AKAP6: variants seen among roughly 807,000 people sequenced by gnomAD.
AKAP6 encodes the protein A-kinase anchoring protein 6, also known as A-kinase anchor protein 6.
Under a neutral mutation model 188.5 loss-of-function variants are expected in AKAP6, and 58 were observed. The ratio of observed to expected loss-of-function variants is 0.31; its 90% CI spans 0.25 to 0.38. The LOEUF (loss-of-function observed/expected upper bound fraction) is 0.38. AKAP6 is among the 10% of genes least tolerant of loss of function. AKAP6 has a pLI of 1.00. For missense variants in AKAP6, 2,710 were observed against 2,740.0 expected, an observed-to-expected ratio of 0.99 and a Z score of 0.24; for synonymous variants, 989 against 998.6, an observed-to-expected ratio of 0.99 and a Z score of 0.18.
chr14:32,770,783 T>A (rs1485503389), intron 11 of AKAP6, among the ~76,000 whole-genome samples: 2 of 152,242 alleles, frequency 1.3e-5, no homozygotes, highest in African/African-American at 2.4e-5. Context: ...TTGTATAGTT[T>A]ACTTCCAGTA....
intron 12 of AKAP6, among the ~76,000 whole-genome samples, chr14:32,800,980 AC>A (rs1285721528): frequency 1.3e-5 from 2 of 152,152 alleles, no homozygotes; most frequent in Non-Finnish European, 2.9e-5. Context: ...TTGTACCACT[AC>A]GTGCCAGCCT....
chr14:32,536,575 A>G (rs1356234606), intron 3 of AKAP6, among the ~76,000 whole-genome samples: 1 of 152,218 alleles, frequency 6.6e-6, no homozygotes, highest in Non-Finnish European at 1.5e-5. Context: ...TTTGTTCAGC[A>G]AACTCCCATG....
chr14:32,582,688 C>A (rs914810101), intron 5 of AKAP6, among the ~76,000 whole-genome samples: 270 of 152,258 alleles, frequency 1.8e-3, no homozygotes, highest in Middle Eastern at 3.4e-3. Flanking sequence ...TTGTTCATTT[C>A]TTTTTATTCT....
intron 2 of AKAP6, among the ~76,000 whole-genome samples, chr14:32,504,987 T>C (rs1445092960): frequency 6.6e-6 from 1 of 152,184 alleles, no homozygotes. Context: ...CTACCTTATT[T>C]TGGCTCACAT....
At chr14:32,567,379 T>A (rs947821584) in intron 4 of AKAP6, among the ~76,000 whole-genome samples, 8 of 152,146 alleles carry the variant, frequency 5.3e-5, no homozygotes, top group Non-Finnish European at 1.0e-4. Flanking sequence ...TGTGTTTAGA[T>A]AATACTGTTT....
At chr14:32,723,548 C>G (rs1327497164) in intron 9 of AKAP6, among the ~76,000 whole-genome samples, 1 of 39,688 alleles carries the variant, frequency 2.5e-5, no homozygotes, top group Admixed American at 3.4e-4. Context: ...TATATGTGTG[C>G]GTATGTGTTT....
At chr14:32,505,436 T>C (rs1450115248) in intron 2 of AKAP6, among the ~76,000 whole-genome samples, 1 of 151,970 alleles carries the variant, frequency 6.6e-6, no homozygotes, top group East Asian at 1.9e-4. Context: ...AAAAACTTGG[T>C]AATCAAGATA....
At chr14:32,511,991 C>G (rs1381118144) in intron 2 of AKAP6, among the ~76,000 whole-genome samples, 2 of 152,172 alleles carry the variant, frequency 1.3e-5, no homozygotes, top group Non-Finnish European at 2.9e-5. Context: ...TTCTGTATCT[C>G]CAGCTCAGTT....
chr14:32,773,108 G>A (rs546156639), intron 11 of AKAP6, among the ~76,000 whole-genome samples: 9 of 152,104 alleles, frequency 5.9e-5, no homozygotes, highest in Non-Finnish European at 7.4e-5. Flanking sequence ...CTTAATTTTC[G>A]CTTTCAGAAC....
chr14:32,511,536 T>G (rs1193479187), intron 2 of AKAP6, among the ~76,000 whole-genome samples: 3 of 152,044 alleles, frequency 2.0e-5, no homozygotes, highest in Admixed American at 1.3e-4. Flanking sequence ...CCACCACGCC[T>G]GGCTAATTTT....
intron 2 of AKAP6, among the ~76,000 whole-genome samples, chr14:32,466,846 T>TATATATATATATATATATATA (rs879653303): frequency 7.0e-5 from 10 of 142,618 alleles, no homozygotes; most frequent in African/African-American, 2.8e-4. Flanking sequence ...TATATATATA[T>TATATATATATATATATATATA]TTTCTTTCTT....
chr14:32,797,790 A>G (rs2033816525), intron 12 of AKAP6, among the ~76,000 whole-genome samples: 2 of 152,140 alleles, frequency 1.3e-5, no homozygotes, highest in African/African-American at 4.8e-5. Context: ...GTTGAAGAAA[A>G]AAAAAACAAC....
intron 1 of AKAP6, among the ~76,000 whole-genome samples, chr14:32,363,771 G>T (rs1290325975): frequency 6.6e-6 from 1 of 152,158 alleles, no homozygotes; most frequent in Admixed American, 6.5e-5. Flanking sequence ...TCCTTTGGCA[G>T]CACCCTCACA....
At chr14:32,818,530 A>AT (rs907222795) in intron 12 of AKAP6, among the ~76,000 whole-genome samples, 3 of 151,432 alleles carry the variant, frequency 2.0e-5, no homozygotes, top group East Asian at 1.9e-4. Context: ...TAACCGTGAA[A>AT]TTTTTTTTTA....
chr14:32,372,023 A>T (rs544748107), intron 1 of AKAP6, among the ~76,000 whole-genome samples: 1 of 150,158 alleles, frequency 6.7e-6, no homozygotes, highest in African/African-American at 2.5e-5. Flanking sequence ...ACACATATTT[A>T]TAAGTACCTA....
chr14:32,764,829 G>C lies in AKAP6; in HGVS notation c.3373-8849G>C, dbSNP rs182441398. Among the ~76,000 whole-genome samples, 285 of 152,050 alleles carry C rather than the reference G, an allele frequency of 1.9e-3. 2 individuals carry two copies. Among genetic ancestry groups the C allele is most frequent in the African/African-American group, 6.3e-3 (262 of 41,466 alleles). On this transcript the variant is annotated intron_variant, in intron 11 of 13. Transcript: ENST00000280979. ...TATACAAAAAATGTTGGTCATTACT[G>C]CTGGAGATTAGTGAAAATAACCAAG...
At chr14:32,762,275 T>C (rs887610275) in intron 11 of AKAP6, among the ~76,000 whole-genome samples, 1 of 152,160 alleles carries the variant, frequency 6.6e-6, no homozygotes, top group Admixed American at 6.5e-5. Flanking sequence ...ATTTTAGTAA[T>C]GATACAAGCA....
chr14:32,658,802 C>A (rs190932540), intron 7 of AKAP6, among the ~76,000 whole-genome samples: 66 of 149,678 alleles, frequency 4.4e-4, no homozygotes, highest in Non-Finnish European at 8.6e-4. Context: ...AAAAGCCTAA[C>A]TATATTTCTT....
chr14:32,775,341 G>T (rs150961846), intron 12 of AKAP6, among the ~76,000 whole-genome samples: 2 of 152,004 alleles, frequency 1.3e-5, no homozygotes, highest in Admixed American at 1.3e-4. Flanking sequence ...TTTGGAGGAG[G>T]CAAAGTTGTG....
Sources: gnomAD v4.1 joint callset for allele counts (sites outside exome capture counted in the v4.1 genomes callset) on GRCh38, gnomAD v4.1.1 for gene constraint, MANE v1.5 for transcripts, NCBI Gene and HGNC (gene_info 2026-07-23, HGNC 2026-07-21) for gene names.